Variants in GPR107 observed in about 807,000 individuals in gnomAD.
GPR107 encodes the protein G protein-coupled receptor 107, also known as protein GPR107.
A neutral mutation model predicts 75.5 loss-of-function variants in GPR107; 31 were observed. The observed-to-expected ratio is 0.41, with a 90% confidence interval of 0.31 to 0.55. The LOEUF is 0.55. Ranked by LOEUF, GPR107 falls within the 20% of genes least tolerant of loss-of-function variation. The pLI is 0.26. For missense variants in GPR107, 572 were observed against 665.7 expected (o/e 0.86, Z 1.55); for synonymous variants, 267 against 251.3 (o/e 1.06, Z -0.59).
intron 17 of GPR107, among the ~76,000 whole-genome samples, chr9:130,132,292 C>T (rs977679013): frequency 1.3e-5 from 2 of 152,160 alleles, no homozygotes; most frequent in Non-Finnish European, 2.9e-5. Flanking sequence ...CTGATTCTCA[C>T]CCCTTGGGCT....
At chr9:130,128,808 AAC>A in intron 17 of GPR107, 47 bp downstream of exon 17, 1 of 1,589,840 alleles carries the variant, frequency 6.3e-7, no homozygotes, top group Non-Finnish European at 8.6e-7. Context: ...CCCTTTGCCT[AAC>A]ACAAAGCAGC....
intron 1 of GPR107, among the ~76,000 whole-genome samples, chr9:130,063,043 C>T (rs1365519350): frequency 6.6e-6 from 1 of 152,194 alleles, no homozygotes; most frequent in Admixed American, 6.6e-5. Flanking sequence ...ATACCAATGT[C>T]TGGCGTATTT....
intron 14 of GPR107, among the ~76,000 whole-genome samples, chr9:130,111,220 C>G (rs1020450867): frequency 6.6e-6 from 1 of 151,960 alleles, no homozygotes; most frequent in Non-Finnish European, 1.5e-5. Context: ...AATGCTAGCG[C>G]TTTGGGAGGC....
chr9:130,087,731 G>T (rs972964647), intron 7 of GPR107, among the ~76,000 whole-genome samples: 5 of 150,380 alleles, frequency 3.3e-5, no homozygotes, highest in African/African-American at 7.4e-5. Flanking sequence ...TGAGCCTGGG[G>T]GGTCAAGGTT....
At chr9:130,060,620 A>G (rs1455595242) in intron 1 of GPR107, among the ~76,000 whole-genome samples, 2 of 151,924 alleles carry the variant, frequency 1.3e-5, no homozygotes, top group Non-Finnish European at 2.9e-5. Context: ...TCTAAATATG[A>G]TTTTTATATT....
Position 130,114,163 on chromosome 9 carries a change from G to A in GPR107, c.1306+6624G>A, listed in dbSNP as rs931612558. On this transcript the variant is annotated intron_variant, in intron 14 of 17. Coordinates refer to ENST00000347136, the MANE Select transcript of GPR107 (RefSeq NM_020960.5). ...GCAAACGGATCAGTTGAGGTCAGGA[G>A]TTCGAGACCAGCCTGGCCAACATGG... Among the ~76,000 whole-genome samples, 48 of 150,806 alleles carry A rather than the reference G, an allele frequency of 3.2e-4. 1 individual carries two copies. The highest frequency in any genetic ancestry group is 3.5e-4 in the Non-Finnish European group (24 of 67,866).
chr9:130,056,467 A>AAAT (rs766849994), intron 1 of GPR107, among the ~76,000 whole-genome samples: 2 of 130,900 alleles, frequency 1.5e-5, no homozygotes, highest in Non-Finnish European at 3.5e-5. Flanking sequence ...ATAAATAAAT[A>AAAT]AAATAAAATA....
intron 1 of GPR107, among the ~76,000 whole-genome samples, chr9:130,057,306 T>C (rs1681220126): frequency 6.6e-6 from 1 of 151,952 alleles, no homozygotes; most frequent in South Asian, 2.1e-4. Context: ...ATGGCGACAC[T>C]ACACTCTAGC....
intron 14 of GPR107, among the ~76,000 whole-genome samples, chr9:130,116,740 A>G (rs1467680365): frequency 6.6e-6 from 1 of 152,138 alleles, no homozygotes; most frequent in African/African-American, 2.4e-5. Flanking sequence ...AGGCTTGGCA[A>G]CAGAAGTCTT....
At chr9:130,076,885 TG>T (rs1436103351) in intron 3 of GPR107, among the ~76,000 whole-genome samples, 10 of 150,354 alleles carry the variant, frequency 6.7e-5, no homozygotes, top group South Asian at 6.3e-4. Flanking sequence ...GGTTTACTTT[TG>T]TTTTTTGTTT....
At chr9:130,082,875 T>C (rs1830526510) in intron 5 of GPR107, among the ~76,000 whole-genome samples, 2 of 152,066 alleles carry the variant, frequency 1.3e-5, no homozygotes, top group African/African-American at 4.8e-5. Context: ...AAAGTATCAT[T>C]ATGCTAATAT....
At chr9:130,064,863 A>G (rs1830031424) in intron 1 of GPR107, among the ~76,000 whole-genome samples, 1 of 152,154 alleles carries the variant, frequency 6.6e-6, no homozygotes, top group Non-Finnish European at 1.5e-5. Context: ...AAGAATGTTA[A>G]GAATCCTGGT....
chr9:130,086,195 G>A (rs1203259862), intron 6 of GPR107, among the ~76,000 whole-genome samples: 1 of 152,170 alleles, frequency 6.6e-6, no homozygotes, highest in Non-Finnish European at 1.5e-5. Context: ...GGAGGTAGGG[G>A]TTAGTGCAGA....
chr9:130,104,555 G>A lies in GPR107; in HGVS notation c.1262+5G>A, dbSNP rs1426372609. 1 of 1,613,056 alleles carries A rather than the reference G, an allele frequency of 6.2e-7. No individual in the cohort carries two copies. Among genetic ancestry groups the A allele is most frequent in the Admixed American group, 1.7e-5 (1 of 60,016 alleles). ...CATCCTCTTCCCAGTGGTGTGGTGAGTAGCTCACAGGGAGGGAGGCCACAT... is the reference window on the plus strand; with the variant it reads ...CATCCTCTTCCCAGTGGTGTGGTGAATAGCTCACAGGGAGGGAGGCCACAT... On this transcript the variant is annotated splice_donor_5th_base_variant and intron_variant, in intron 13 of 17. Transcript: ENST00000347136.
intron 1 of GPR107, among the ~76,000 whole-genome samples, chr9:130,054,554 T>C (rs141626803): frequency 2.0e-5 from 3 of 152,316 alleles, no homozygotes; most frequent in Non-Finnish European, 4.4e-5. Flanking sequence ...AGCGAGACTC[T>C]AGAGAAGGAA....
chr9:130,121,743 A>G (rs1432720008), intron 14 of GPR107, among the ~76,000 whole-genome samples: 3 of 152,172 alleles, frequency 2.0e-5, no homozygotes, highest in Admixed American at 2.0e-4. Flanking sequence ...TTGGGAGCCC[A>G]TGCTTACCCC....
intron 14 of GPR107, among the ~76,000 whole-genome samples, chr9:130,121,590 T>G (rs533419729): frequency 6.6e-6 from 1 of 152,356 alleles, no homozygotes; most frequent in South Asian, 2.1e-4. Context: ...TTCCCTGATA[T>G]GTGCAGCTCT....
At chr9:130,107,422 GT>G in intron 13 of GPR107, 73 bp from the exon 14 acceptor site, 1 of 877,298 alleles carries the variant, frequency 1.1e-6, no homozygotes, top group South Asian at 1.3e-5. Flanking sequence ...TCAGCCTCAA[GT>G]TACTAGAGCT....
chr9:130,131,227 G>A (rs1208040077), intron 17 of GPR107, among the ~76,000 whole-genome samples: 1 of 152,164 alleles, frequency 6.6e-6, no homozygotes, highest in African/African-American at 2.4e-5. Flanking sequence ...TCTCACTGCT[G>A]CAGAGCCTGA....
Sources: allele counts gnomAD v4.1 joint callset (sites outside exome capture counted in the v4.1 genomes callset), GRCh38; gene constraint gnomAD v4.1.1; transcripts MANE v1.5; gene names NCBI Gene and HGNC (gene_info 2026-07-23, HGNC 2026-07-21).